The following MYO3B variants were observed in gnomAD, a reference collection of about 807,000 sequenced individuals.
The protein encoded by MYO3B is myosin IIIB, also known as myosin-IIIb.
In MYO3B, 156 loss-of-function variants were observed where a neutral mutation model predicts 174.6. The ratio of observed to expected loss-of-function variants is 0.89; its 90% CI spans 0.78 to 1.02. The LOEUF (loss-of-function observed/expected upper bound fraction) is 1.02, where lower values mean the gene tolerates loss of function less well. MYO3B is among the 50% of genes least tolerant of loss of function. The probability of loss-of-function intolerance (pLI) is 0.00; values close to 1 mark genes in which losing one functional copy is unlikely to be tolerated. For missense variants in MYO3B, 1,632 were observed against 1,639.4 expected, an observed-to-expected ratio of 1.00 and a Z score of 0.08; for synonymous variants, 563 against 569.1, an observed-to-expected ratio of 0.99 and a Z score of 0.15.
intron 25 of MYO3B, among the ~76,000 whole-genome samples, chr2:170,468,864 C>A (rs12616150): frequency 0.29 from 43,727 of 152,058 alleles, 6,386 homozygotes; most frequent in Middle Eastern, 0.36. Flanking sequence ...ATGTCTAAAA[C>A]ATAGGGCTGA....
intron 28 of MYO3B, 41 bp downstream of exon 28, chr2:170,501,906 TTC>T: frequency 7.6e-7 from 1 of 1,319,294 alleles, no homozygotes; most frequent in Non-Finnish European, 1.1e-6. Flanking sequence ...CTTGAAAATA[TTC>T]TGTGACTAAC....
chr2:170,350,005 A>T (rs1294594973), intron 8 of MYO3B, among the ~76,000 whole-genome samples: 1 of 150,416 alleles, frequency 6.6e-6, no homozygotes, highest in South Asian at 2.1e-4. Flanking sequence ...ACAACTGAAC[A>T]TTTTTTTTTC....
At chr2:170,506,519 T>G (rs1687630878) in intron 28 of MYO3B, among the ~76,000 whole-genome samples, 1 of 152,172 alleles carries the variant, frequency 6.6e-6, no homozygotes, top group Non-Finnish European at 1.5e-5. Context: ...AGCACCTACT[T>G]TATGCTGGGG....
intron 23 of MYO3B, among the ~76,000 whole-genome samples, chr2:170,452,479 G>A (rs1276801417): frequency 2.6e-5 from 4 of 152,174 alleles, no homozygotes; most frequent in African/African-American, 9.6e-5. Flanking sequence ...TCAAGAAGAG[G>A]AAAAAGATAA....
intron 7 of MYO3B, among the ~76,000 whole-genome samples, chr2:170,274,371 A>T (rs962952201): frequency 1.3e-5 from 2 of 152,044 alleles, no homozygotes; most frequent in Non-Finnish European, 2.9e-5. Context: ...CTTAAATAAA[A>T]CTCCTTTAAC....
chr2:170,425,323 C>T (rs115815739), intron 22 of MYO3B, among the ~76,000 whole-genome samples: 7 of 152,106 alleles, frequency 4.6e-5, no homozygotes, highest in African/African-American at 1.7e-4. Flanking sequence ...TTGGTGCCAA[C>T]GTGTTGTGTG....
In MYO3B at chr2:170,278,003, A is replaced by G. The variant is rs933889310; in HGVS notation, c.749+41867A>G. On this transcript the variant is annotated intron_variant, in intron 7 of 34. Transcript: ENST00000408978. ...ATAGGTTAAGATAGAGACATTTTCA[A>G]TGCCTGTTTATTGCTGTAATATTCA... Among the ~76,000 whole-genome samples, 41 of 152,196 alleles carry G rather than the reference A, an allele frequency of 2.7e-4. 1 individual carries two copies. Among genetic ancestry groups the G allele is most frequent in the African/African-American group, 9.4e-4 (39 of 41,452 alleles).
chr2:170,423,347 C>T (rs1239254118), intron 22 of MYO3B, among the ~76,000 whole-genome samples: 1 of 152,150 alleles, frequency 6.6e-6, no homozygotes, highest in Non-Finnish European at 1.5e-5. Flanking sequence ...CAGAGGATCG[C>T]TGCATCGGCC....
chr2:170,650,776 C>T (rs775940441), intron 32 of MYO3B, among the ~76,000 whole-genome samples: 25 of 147,482 alleles, frequency 1.7e-4, no homozygotes, highest in Non-Finnish European at 2.7e-4. Flanking sequence ...TTCCACCTCC[C>T]GGGTTCAAGC....
At chr2:170,272,274 G>T (rs1043237257) in intron 7 of MYO3B, among the ~76,000 whole-genome samples, 1 of 151,982 alleles carries the variant, frequency 6.6e-6, no homozygotes, top group South Asian at 2.1e-4. Context: ...AAGCCCTGTG[G>T]GTGCTTCTGA....
intron 22 of MYO3B, among the ~76,000 whole-genome samples, chr2:170,425,652 T>C (rs1047359656): frequency 1.3e-5 from 2 of 152,146 alleles, no homozygotes; most frequent in African/African-American, 4.8e-5. Flanking sequence ...CCTAGTTTGG[T>C]GTGTAAACAG....
chr2:170,372,118 CAAAAAAAAA>C (rs769243145), intron 9 of MYO3B, among the ~76,000 whole-genome samples: 11 of 22,210 alleles, frequency 5.0e-4, no homozygotes, highest in African/African-American at 1.1e-3. Context: ...GACCCTGTCT[CAAAAAAAAA>C]AAAAAAAAAA....
chr2:170,531,971 C>T (rs1689382512), intron 30 of MYO3B, among the ~76,000 whole-genome samples: 1 of 152,200 alleles, frequency 6.6e-6, no homozygotes, highest in Admixed American at 6.5e-5. Flanking sequence ...GAGTAATAAA[C>T]TATTTGCATA....
At chr2:170,491,537 T>C (rs988102503) in intron 25 of MYO3B, among the ~76,000 whole-genome samples, 2 of 152,206 alleles carry the variant, frequency 1.3e-5, no homozygotes, top group Non-Finnish European at 2.9e-5. Flanking sequence ...GCCATTCTCC[T>C]GCCTCAGCCT....
chr2:170,451,021 T>C (rs1683567130), intron 23 of MYO3B, among the ~76,000 whole-genome samples: 1 of 152,254 alleles, frequency 6.6e-6, no homozygotes, highest in Admixed American at 6.5e-5. Flanking sequence ...TTTGTCCCTT[T>C]ACTCTTTTAG....
intron 32 of MYO3B, among the ~76,000 whole-genome samples, chr2:170,622,500 T>C (rs1409384194): frequency 1.3e-5 from 2 of 152,214 alleles, no homozygotes; most frequent in African/African-American, 4.8e-5. Flanking sequence ...CCCAAGTCCC[T>C]GTTAACAGTT....
intron 32 of MYO3B, among the ~76,000 whole-genome samples, chr2:170,608,150 G>C (rs1309242465): frequency 6.6e-6 from 1 of 152,218 alleles, no homozygotes; most frequent in Non-Finnish European, 1.5e-5. Flanking sequence ...GGAGGTTGCA[G>C]TGAGCCAAGA....
chr2:170,479,152 C>T (rs1685515686), intron 25 of MYO3B, among the ~76,000 whole-genome samples: 2 of 150,136 alleles, frequency 1.3e-5, no homozygotes, highest in Middle Eastern at 3.5e-3. Flanking sequence ...GGCATGGTGG[C>T]ACATGCCTGT....
At chr2:170,603,848 A>C in intron 32 of MYO3B, among the ~76,000 whole-genome samples, 1 of 152,262 alleles carries the variant, frequency 6.6e-6, no homozygotes, top group African/African-American at 2.4e-5. Flanking sequence ...GGACCACATA[A>C]CAATGTTGTG....
Sources: allele counts gnomAD v4.1 joint callset (sites outside exome capture counted in the v4.1 genomes callset), GRCh38; gene constraint gnomAD v4.1.1; transcripts MANE v1.5; gene names NCBI Gene and HGNC (gene_info 2026-07-23, HGNC 2026-07-21).